Variants in SAP130 observed in about 807,000 individuals in gnomAD.
SAP130 encodes histone deacetylase complex subunit SAP130.
In SAP130, 16 loss-of-function variants were observed where a neutral mutation model predicts 103.2. The ratio of observed to expected loss-of-function variants is 0.16; its 90% CI spans 0.10 to 0.24. The LOEUF (loss-of-function observed/expected upper bound fraction) is 0.24, where lower values mean the gene tolerates loss of function less well. Ranked by LOEUF, SAP130 falls within the 10% of genes least tolerant of loss-of-function variation. SAP130 has a pLI of 1.00. For missense variants in SAP130, 990 were observed against 1,359.7 expected (o/e 0.73, Z 4.28); for synonymous variants, 477 against 497.0 (o/e 0.96, Z 0.53).
Position 128,016,478 on chromosome 2 carries a change from G to T in SAP130, c.418C>A (p.Pro140Thr). 6.2e-7 allele frequency: 1 copy of T among 1,614,050 alleles called. No homozygotes were observed. The highest frequency in any genetic ancestry group is 1.3e-5 in the African/African-American group (1 of 75,014). Residue 140 changes from proline (P) to threonine (T), a missense_variant, in exon 4 of 21, where the codon CCC becomes ACC. This residue lies in a region of SAP130 where 167 missense variants were observed against 187.4 expected (regional missense o/e 0.89). Coordinates refer to ENST00000643581, the MANE Select transcript of SAP130 (RefSeq NM_001330301.2). ...ACGGTAACCTGCCCTGGAACCTTGG[G>T]GGGAAGTGACAGGGTAGAAGGTGGA... is the stretch of plus-strand genomic sequence containing the variant. ...PAPPSTLSLPPKVPGQVTVTM... is the reference protein window; with the variant it reads ...PAPPSTLSLPTKVPGQVTVTM...
chr2:127,969,744 T>C (rs926317925), intron 15 of SAP130, among the ~76,000 whole-genome samples: 5 of 152,216 alleles, frequency 3.3e-5, no homozygotes, highest in Admixed American at 1.3e-4. Context: ...TCCCGATCTC[T>C]GCCTTCATGT....
chr2:127,984,823 C>G (rs1347313698), intron 14 of SAP130, among the ~76,000 whole-genome samples: 1 of 152,174 alleles, frequency 6.6e-6, no homozygotes, highest in East Asian at 1.9e-4. Flanking sequence ...TTTCAGGCTC[C>G]TGCTAAAGTC....
Position 127,986,673 on chromosome 2 carries a change from C to A in SAP130, c.1958+112G>T, listed in dbSNP as rs896837630. The A allele has an allele frequency of 1.6e-6, 2 of 1,218,316 alleles. No individual in the cohort carries two copies. The highest frequency in any genetic ancestry group is 3.0e-5 in the African/African-American group (2 of 66,208). 75.5% of individuals were successfully genotyped at this position (1,218,316 alleles called of 1,614,324 possible). A position where few individuals can be genotyped will look rare whatever the true frequency, so the allele number is the denominator to read the frequency against. ...TTGTTTTGGAGGAAATTTTAACACA[C>A]CACAGAAAATGAGAGATGAGTTTGA... On this transcript the variant is annotated intron_variant, in intron 14 of 20. Transcript: ENST00000643581. This position sits in a 1 kb window ranked among gnomAD's most constrained non-coding sequence, Gnocchi z 4.7.
chr2:127,996,587 A>C lies in SAP130; in HGVS notation c.1214-96T>G. ...AGCAGCAATCTTAGGAAAGCAAACA[A>C]TTAAAATAAGCCTGGATTTTTAATC... On this transcript the variant is annotated intron_variant, in intron 10 of 20. Coordinates refer to ENST00000643581, the MANE Select transcript of SAP130 (RefSeq NM_001330301.2). This position sits in a 1 kb window ranked among gnomAD's most constrained non-coding sequence, Gnocchi z 4.3. The C allele has an allele frequency of 8.9e-7, 1 of 1,128,108 alleles. No homozygotes were observed. Among genetic ancestry groups the C allele is most frequent in the Non-Finnish European group, 1.2e-6 (1 of 828,270 alleles). The allele number at this position is 1,128,108 out of a possible 1,614,324, so 69.9% of individuals were successfully genotyped here. A position where few individuals can be genotyped will look rare whatever the true frequency, so the allele number is the denominator to read the frequency against.
chr2:127,960,368 C>G (rs1185949272), intron 15 of SAP130, among the ~76,000 whole-genome samples: 1 of 152,084 alleles, frequency 6.6e-6, no homozygotes, highest in African/African-American at 2.4e-5. Context: ...CAGACTGCGG[C>G]AGGCAGAAGC....
At chr2:127,962,825 A>G (rs1414044556) in intron 15 of SAP130, among the ~76,000 whole-genome samples, 2 of 151,890 alleles carry the variant, frequency 1.3e-5, no homozygotes, top group Non-Finnish European at 2.9e-5. Flanking sequence ...ACATGTATAC[A>G]TATGTAACAA....
intron 6 of SAP130, among the ~76,000 whole-genome samples, chr2:128,010,676 C>T (rs781207954): frequency 5.3e-5 from 8 of 151,934 alleles, no homozygotes; most frequent in Non-Finnish European, 1.0e-4. Context: ...GCCTGGCTAA[C>T]ACAGTAAAAC....
In SAP130 at chr2:127,950,406, C is replaced by A; in HGVS notation, c.2425G>T (p.Val809Phe). 1.2e-6 allele frequency: 2 copies of A among 1,614,138 alleles called. No individual in the cohort carries two copies. Among genetic ancestry groups the A allele is most frequent in the Non-Finnish European group, 1.7e-6 (2 of 1,179,984 alleles). ...ACAGTGTTGGTAGCCAGTGGAGGAA[C>A]TGCTGTCATAGGAAAAGGAGCACAC... The part of the protein sequence containing the change: ...PMDIMRPVSA[V>F]PPLATNTVSP... Residue 809 changes from valine to phenylalanine, a missense_variant and splice_region_variant, in exon 17 of 21, where the codon GTT becomes TTT. This residue lies in a region of SAP130 where 349 missense variants were observed against 384.1 expected (regional missense o/e 0.91). Coordinates refer to ENST00000643581, the MANE Select transcript of SAP130 (RefSeq NM_001330301.2).
chr2:127,998,621 C>T (rs1573784772), intron 10 of SAP130, among the ~76,000 whole-genome samples: 2 of 152,070 alleles, frequency 1.3e-5, no homozygotes, highest in Non-Finnish European at 2.9e-5. Context: ...CAGCATAAAC[C>T]CCATGGAACA....
chr2:127,970,146 T>C (rs1680968882), intron 15 of SAP130, among the ~76,000 whole-genome samples: 1 of 149,134 alleles, frequency 6.7e-6, no homozygotes, highest in Non-Finnish European at 1.5e-5. Flanking sequence ...GAGAATCTCT[T>C]GAACCTGGGA....
intron 2 of SAP130, among the ~76,000 whole-genome samples, chr2:128,022,037 G>A (rs899455970): frequency 8.5e-5 from 13 of 152,104 alleles, no homozygotes; most frequent in Non-Finnish European, 1.8e-4. Context: ...AGTATACAGC[G>A]GTATAACACA....
At chr2:128,024,523 C>T (rs1205752563) in intron 2 of SAP130, among the ~76,000 whole-genome samples, 2 of 151,844 alleles carry the variant, frequency 1.3e-5, no homozygotes, top group African/African-American at 2.4e-5. Flanking sequence ...AGACCAGCTT[C>T]GGCAACATTG....
intron 11 of SAP130, among the ~76,000 whole-genome samples, chr2:127,994,569 G>C (rs545559340): frequency 6.6e-6 from 1 of 152,120 alleles, no homozygotes; most frequent in Admixed American, 6.6e-5. Flanking sequence ...TACAGCCTGG[G>C]CAACAGTGTG....
intron 7 of SAP130, among the ~76,000 whole-genome samples, chr2:128,007,311 T>C (rs950374724): frequency 2.0e-5 from 3 of 152,196 alleles, no homozygotes; most frequent in Non-Finnish European, 2.9e-5. Flanking sequence ...GGCATCATAA[T>C]AGGCACTCCA....
chr2:127,999,480 T>C (rs970080432), intron 10 of SAP130, among the ~76,000 whole-genome samples: 1 of 152,116 alleles, frequency 6.6e-6, no homozygotes, highest in Non-Finnish European at 1.5e-5. Flanking sequence ...GGCATGTGCC[T>C]GTAGTCTCAG....
chr2:127,973,891 T>C (rs1016159120), intron 15 of SAP130, among the ~76,000 whole-genome samples: 1 of 152,016 alleles, frequency 6.6e-6, no homozygotes, highest in Non-Finnish European at 1.5e-5. Context: ...CTGGGCAACA[T>C]GGTGAAACCC....
Position 127,989,660 on chromosome 2 carries a change from T to A in SAP130, c.1684A>T (p.Thr562Ser), listed in dbSNP as rs780277918. Residue 562 changes from threonine to serine, a missense_variant, in exon 13 of 21, where the codon ACA becomes TCA. Around this residue, in one of 6 missense-constraint regions of SAP130, gnomAD observed 349 missense variants for 384.1 expected, o/e 0.91. Coordinates refer to ENST00000643581, the MANE Select transcript of SAP130 (RefSeq NM_001330301.2). The surrounding 1 kb of genome is among the most constrained non-coding windows in gnomAD (Gnocchi z 4.6). ...TPGIQPAPLG[T>S]QGIHSATPIN... is the part of the protein sequence containing the mutation. ...GGGGTTGCTGAGTGAATTCCCTGTG[T>A]GCCAAGTGGTGCAGGCTGTATCCCT... 1 of 1,614,194 alleles carries A rather than the reference T, an allele frequency of 6.2e-7. No individual in the cohort carries two copies. Among genetic ancestry groups the A allele is most frequent in the Middle Eastern group, 1.6e-4 (1 of 6,062 alleles).
intron 2 of SAP130, among the ~76,000 whole-genome samples, chr2:128,019,678 G>C (rs991070812): frequency 1.3e-5 from 2 of 152,182 alleles, no homozygotes; most frequent in African/African-American, 4.8e-5. Flanking sequence ...TTGAGGTCAG[G>C]AGTTCGAGAT....
chr2:128,025,205 C>T (rs1332178517), intron 2 of SAP130, among the ~76,000 whole-genome samples: 1 of 152,212 alleles, frequency 6.6e-6, no homozygotes, highest in Non-Finnish European at 1.5e-5. Flanking sequence ...GCACTGCTGA[C>T]TGGACTGGAT....
Sources: gnomAD v4.1 joint callset for allele counts (sites outside exome capture counted in the v4.1 genomes callset) on GRCh38, gnomAD v4.1.1 for gene constraint, gnomAD v4.1.1 regional missense constraint, Gnocchi (gnomAD v3.1) non-coding constraint, MANE v1.5 for transcripts, NCBI Gene and HGNC (gene_info 2026-07-23, HGNC 2026-07-21) for gene names.